Variants in EPHA6 observed in about 807,000 individuals in gnomAD.
EPHA6 encodes EPH receptor A6.
A neutral mutation model predicts 112.0 loss-of-function variants in EPHA6; 50 were observed. The ratio of observed to expected loss-of-function variants is 0.45; its 90% CI spans 0.36 to 0.56. The LOEUF (loss-of-function observed/expected upper bound fraction) is 0.56, where lower values mean the gene tolerates loss of function less well. EPHA6 is among the 20% of genes least tolerant of loss of function. The pLI is 0.00. For missense variants in EPHA6, 1,280 were observed against 1,417.4 expected (o/e 0.90, Z 1.56); for synonymous variants, 529 against 490.7 (o/e 1.08, Z -1.03).
At chr3:97,643,627 G>A (rs1185182745) in intron 14 of EPHA6, among the ~76,000 whole-genome samples, 187 of 151,304 alleles carry the variant, frequency 1.2e-3, no homozygotes, top group African/African-American at 4.5e-3. Flanking sequence ...ACAAAAAAAA[G>A]CAGGCGTTGC....
At chr3:97,058,121 T>C (rs1206349238) in intron 3 of EPHA6, among the ~76,000 whole-genome samples, 1 of 152,134 alleles carries the variant, frequency 6.6e-6, no homozygotes, top group African/African-American at 2.4e-5. Context: ...ACTATGTCAT[T>C]ATAAAATTTA....
intron 3 of EPHA6, among the ~76,000 whole-genome samples, chr3:97,049,867 G>C (rs539841733): frequency 1.3e-5 from 2 of 152,238 alleles, no homozygotes; most frequent in South Asian, 4.1e-4. Context: ...CATGAGGGAT[G>C]TACCTTCTTG....
chr3:97,169,185 T>C (rs963208734), intron 3 of EPHA6, among the ~76,000 whole-genome samples: 1 of 152,186 alleles, frequency 6.6e-6, no homozygotes, highest in African/African-American at 2.4e-5. Context: ...TGTTTGCCTG[T>C]GTTTAATGGC....
intron 5 of EPHA6, among the ~76,000 whole-genome samples, chr3:97,326,168 A>G (rs2082410559): frequency 6.6e-6 from 1 of 151,982 alleles, no homozygotes; most frequent in South Asian, 2.1e-4. Flanking sequence ...GGAATTTCAG[A>G]TGGCACAAAA....
intron 13 of EPHA6, chr3:97,612,415 G>A (rs1034669297): frequency 9.5e-6 from 4 of 421,896 alleles, no homozygotes; most frequent in African/African-American, 4.1e-5. Context: ...AAACAGTGTA[G>A]CAGATATTCA....
chr3:97,131,274 G>T (rs2075609704), intron 3 of EPHA6, among the ~76,000 whole-genome samples: 1 of 151,990 alleles, frequency 6.6e-6, no homozygotes, highest in Non-Finnish European at 1.5e-5. Flanking sequence ...ATATGCATGG[G>T]TTCATATAGA....
At chr3:97,142,205 C>G (rs1164469159) in intron 3 of EPHA6, among the ~76,000 whole-genome samples, 1 of 151,934 alleles carries the variant, frequency 6.6e-6, no homozygotes, top group Non-Finnish European at 1.5e-5. Context: ...CCAAAATAGA[C>G]AATTCTGATA....
At position 97,139,573 on chromosome 3, in the gene EPHA6, A is replaced by G. The variant is rs187720054; in HGVS notation, c.1115-86691A>G. 1.5e-3 allele frequency among the ~76,000 whole-genome samples: 235 copies of G among 152,314 alleles called. 2 individuals carry two copies. Among genetic ancestry groups the G allele is most frequent in the Admixed American group, 0.014 (215 of 15,294 alleles). On this transcript the variant is annotated intron_variant, in intron 3 of 17. Transcript: ENST00000389672. ...TTGAGAAAGCCACTATACTAAGGAT[A>G]TGTATAACCAAGGAATTCATACAGA...
chr3:96,922,106 A>T (rs1182606206), intron 2 of EPHA6, among the ~76,000 whole-genome samples: 1 of 152,194 alleles, frequency 6.6e-6, no homozygotes, highest in Non-Finnish European at 1.5e-5. Context: ...TTTAAGAAAA[A>T]TATTAGCTAT....
intron 3 of EPHA6, among the ~76,000 whole-genome samples, chr3:97,199,185 G>A (rs756367404): frequency 7.9e-5 from 12 of 152,054 alleles, no homozygotes; most frequent in Non-Finnish European, 1.3e-4. Flanking sequence ...ACATGCATTT[G>A]GTTTTGATTG....
intron 6 of EPHA6, among the ~76,000 whole-genome samples, chr3:97,435,208 T>C (rs1207199402): frequency 6.6e-6 from 1 of 152,158 alleles, no homozygotes; most frequent in Non-Finnish European, 1.5e-5. Context: ...TATTTTACCA[T>C]GCTGCTTGAT....
At chr3:97,621,164 C>T (rs185883558) in intron 13 of EPHA6, among the ~76,000 whole-genome samples, 2 of 152,020 alleles carry the variant, frequency 1.3e-5, no homozygotes, top group East Asian at 3.9e-4. Flanking sequence ...AACACAGGAA[C>T]AGAAACCAAG....
chr3:96,995,231 C>T (rs755748849), intron 3 of EPHA6, among the ~76,000 whole-genome samples: 10 of 151,780 alleles, frequency 6.6e-5, no homozygotes, highest in Non-Finnish European at 1.5e-4. Flanking sequence ...GATGACTGTG[C>T]AAGCAGAGAG....
At chr3:97,083,062 A>G (rs1288268762) in intron 3 of EPHA6, among the ~76,000 whole-genome samples, 1 of 151,930 alleles carries the variant, frequency 6.6e-6, no homozygotes, top group Non-Finnish European at 1.5e-5. Flanking sequence ...CAGATCTACC[A>G]TGAGAGCAAA....
chr3:96,992,255 C>A (rs2043244469), intron 3 of EPHA6, among the ~76,000 whole-genome samples: 1 of 152,176 alleles, frequency 6.6e-6, no homozygotes, highest in Non-Finnish European at 1.5e-5. Context: ...TTAACAATTT[C>A]TTTACTGATC....
intron 16 of EPHA6, chr3:97,745,501 AG>A (rs1372586361): frequency 1.9e-5 from 7 of 373,396 alleles, no homozygotes; most frequent in Non-Finnish European, 3.7e-5. Flanking sequence ...AGTGTTAAAA[AG>A]GACAGAAGTC....
intron 5 of EPHA6, among the ~76,000 whole-genome samples, chr3:97,245,097 A>C (rs2078950052): frequency 6.6e-6 from 1 of 152,044 alleles, no homozygotes; most frequent in African/African-American, 2.4e-5. Flanking sequence ...TATGAGAAAA[A>C]TTTATAAAGA....
At chr3:97,605,487 G>A (rs1391001547) in intron 12 of EPHA6, among the ~76,000 whole-genome samples, 1 of 151,614 alleles carries the variant, frequency 6.6e-6, no homozygotes, top group Non-Finnish European at 1.5e-5. Flanking sequence ...AGTTATCCCA[G>A]CACCATTTGT....
intron 10 of EPHA6, among the ~76,000 whole-genome samples, chr3:97,496,198 T>A (rs960625377): frequency 9.2e-5 from 14 of 152,276 alleles, no homozygotes; most frequent in African/African-American, 3.4e-4. Flanking sequence ...TCTAATGCAG[T>A]TCCTTGTTCA....
Sources: gnomAD v4.1 joint callset for allele counts (sites outside exome capture counted in the v4.1 genomes callset) on GRCh38, gnomAD v4.1.1 for gene constraint, MANE v1.5 for transcripts, NCBI Gene and HGNC (gene_info 2026-07-23, HGNC 2026-07-21) for gene names.